The following ARL15 variants were observed in gnomAD, a reference collection of about 807,000 sequenced individuals.
The protein encoded by ARL15 is ADP-ribosylation factor-like protein 15.
ARL15 carries 19 observed loss-of-function variants against 25.2 expected under a neutral mutation model. That is an observed-to-expected ratio of 0.75 (90% CI 0.53 to 1.10). ARL15 has a LOEUF of 1.10. Among genes scored for constraint, ARL15 ranks in the 50% least tolerant of loss-of-function variants. The pLI, the probability that ARL15 is intolerant of heterozygous loss-of-function variation, is 0.00. For synonymous variants in ARL15, 94 were observed against 86.8 expected, an observed-to-expected ratio of 1.08 and a Z score of -0.46; for missense variants, 220 against 246.0, an observed-to-expected ratio of 0.89 and a Z score of 0.71.
At chr5:54,035,154 A>G (rs1470669163) in intron 4 of ARL15, among the ~76,000 whole-genome samples, 1 of 152,186 alleles carries the variant, frequency 6.6e-6, no homozygotes, top group Non-Finnish European at 1.5e-5. Context: ...TTAAGTTCAG[A>G]GACATACTGA....
intron 1 of ARL15, among the ~76,000 whole-genome samples, chr5:54,224,033 C>T (rs889329207): frequency 3.3e-5 from 5 of 152,282 alleles, no homozygotes; most frequent in Admixed American, 3.3e-4. Flanking sequence ...CATGCCAGAG[C>T]TTACATCATA....
chr5:54,077,920 T>C (rs1459265376), intron 4 of ARL15, among the ~76,000 whole-genome samples: 2 of 152,196 alleles, frequency 1.3e-5, no homozygotes, highest in Non-Finnish European at 2.9e-5. Context: ...GCCATTCCTT[T>C]GGAAATATGT....
chr5:53,996,271 G>A (rs539118347), intron 4 of ARL15, among the ~76,000 whole-genome samples: 75 of 152,078 alleles, frequency 4.9e-4, no homozygotes, highest in Non-Finnish European at 9.3e-4. Flanking sequence ...TCTGGTTGAC[G>A]AAATGCGAGT....
At chr5:53,946,618 G>A (rs890841553) in intron 4 of ARL15, among the ~76,000 whole-genome samples, 11 of 152,062 alleles carry the variant, frequency 7.2e-5, no homozygotes, top group South Asian at 2.1e-4. Flanking sequence ...CTGTATAAGC[G>A]GTGCCCATGA....
At chr5:54,277,594 A>T (rs937361453) in intron 1 of ARL15, among the ~76,000 whole-genome samples, 2 of 152,150 alleles carry the variant, frequency 1.3e-5, no homozygotes, top group South Asian at 4.2e-4. Context: ...TACTAAAAAT[A>T]CAAAAAAATT....
At chr5:53,967,485 T>C (rs1343831505) in intron 4 of ARL15, among the ~76,000 whole-genome samples, 1 of 152,146 alleles carries the variant, frequency 6.6e-6, no homozygotes, top group African/African-American at 2.4e-5. Flanking sequence ...ATTTAGAAAC[T>C]GGATATGGGA....
chr5:53,926,057 C>A (rs1580086677), intron 4 of ARL15, among the ~76,000 whole-genome samples: 1 of 140,074 alleles, frequency 7.1e-6, no homozygotes, highest in Non-Finnish European at 1.5e-5. Context: ...TTTAAAAACA[C>A]CTAAAGAAGA....
At position 54,294,055 on chromosome 5, in the gene ARL15, T is replaced by TC. The variant is rs570963848; in HGVS notation, c.48+16376dup. Reference sequence around the variant, plus strand: ...GTCTTGAACTCCTGACCTCATGTGATCCGCCTGCCTCGGCCTCCCAAACTG... The same window carrying TC: ...GTCTTGAACTCCTGACCTCATGTGATCCCGCCTGCCTCGGCCTCCCAAACTG... On this transcript the variant is annotated intron_variant, in intron 1 of 4. Coordinates refer to ENST00000504924, the MANE Select transcript of ARL15 (RefSeq NM_019087.3). 1.5e-3 allele frequency among the ~76,000 whole-genome samples: 224 copies of TC among 152,302 alleles called. 2 individuals carry two copies. Among genetic ancestry groups the TC allele is most frequent in the African/African-American group, 5.3e-3 (219 of 41,562 alleles).
In ARL15 at chr5:54,113,331, A is replaced by G; in HGVS notation, c.333T>C (p.Ser111=). ...QGVIFVLDSA[S]SEDDLEAARN... is the part of the protein sequence containing the mutation. The stretch of plus-strand genomic sequence containing the variant: ...TAGCAGCTTCTAAATCATCCTCTGA[A>G]GAGGCACTGTCTAATACAAATATTA... Residue 111 remains serine (S), a synonymous_variant, in exon 4 of 5, where the codon TCT becomes TCC. Coordinates refer to ENST00000504924, the MANE Select transcript of ARL15 (RefSeq NM_019087.3). 2 of 1,613,980 alleles carry G rather than the reference A, an allele frequency of 1.2e-6. No homozygotes were observed. The highest frequency in any genetic ancestry group is 1.7e-6 in the Non-Finnish European group (2 of 1,179,872).
chr5:54,064,214 G>A (rs1238025225), intron 4 of ARL15, among the ~76,000 whole-genome samples: 1 of 151,200 alleles, frequency 6.6e-6, no homozygotes. Flanking sequence ...AGTAAAAAAA[G>A]AGTCACGAGT....
intron 1 of ARL15, among the ~76,000 whole-genome samples, chr5:54,187,257 C>A (rs1389752710): frequency 1.3e-5 from 2 of 152,172 alleles, no homozygotes; most frequent in East Asian, 3.9e-4. Flanking sequence ...ACCAGCCAAA[C>A]CTTGCTGGCT....
intron 4 of ARL15, among the ~76,000 whole-genome samples, chr5:53,947,167 G>GGGGTGGGTGT (rs752822788): frequency 8.1e-6 from 1 of 123,660 alleles, no homozygotes; most frequent in Non-Finnish European, 1.7e-5. Context: ...AATAAATAAG[G>GGGGTGGGTGT]GTGTGTGTGT....
chr5:54,170,124 C>T (rs1181064689), intron 2 of ARL15, among the ~76,000 whole-genome samples: 3 of 152,178 alleles, frequency 2.0e-5, no homozygotes, highest in Non-Finnish European at 2.9e-5. Context: ...ATCATCCAAC[C>T]ATCACGTAAG....
At chr5:54,075,854 G>C (rs898630248) in intron 4 of ARL15, among the ~76,000 whole-genome samples, 2 of 152,092 alleles carry the variant, frequency 1.3e-5, no homozygotes, top group Non-Finnish European at 2.9e-5. Context: ...CCCTTAATAA[G>C]TACCATATTA....
chr5:54,152,574 GT>G (rs1754098866), intron 3 of ARL15, among the ~76,000 whole-genome samples: 1 of 152,138 alleles, frequency 6.6e-6, no homozygotes. Context: ...AGTTGAGAAA[GT>G]AAAAGAATCT....
chr5:54,030,983 G>C (rs556540849), intron 4 of ARL15, among the ~76,000 whole-genome samples: 1 of 152,262 alleles, frequency 6.6e-6, no homozygotes, highest in East Asian at 1.9e-4. Context: ...GGAAACCACT[G>C]TAAATGCAAG....
chr5:54,016,420 C>T (rs1242936375), intron 4 of ARL15, among the ~76,000 whole-genome samples: 11 of 152,258 alleles, frequency 7.2e-5, no homozygotes, highest in Admixed American at 2.0e-4. Context: ...GTCACCTGTG[C>T]AGTCACAATC....
At chr5:53,899,038 G>A (rs1415482066) in intron 4 of ARL15, among the ~76,000 whole-genome samples, 1 of 151,714 alleles carries the variant, frequency 6.6e-6, no homozygotes, top group Non-Finnish European at 1.5e-5. Flanking sequence ...TTTTTGCTTT[G>A]TTAGTTGATT....
At chr5:54,062,428 C>A (rs6874203) in intron 4 of ARL15, among the ~76,000 whole-genome samples, 38,464 of 151,234 alleles carry the variant, frequency 0.25, 6,036 homozygotes, top group African/African-American at 0.45. Flanking sequence ...TGGGAGAGAC[C>A]CGGTGGGAGG....
Sources: gnomAD v4.1 joint callset for allele counts (sites outside exome capture counted in the v4.1 genomes callset) on GRCh38, gnomAD v4.1.1 for gene constraint, MANE v1.5 for transcripts, NCBI Gene and HGNC (gene_info 2026-07-23, HGNC 2026-07-21) for gene names.